CD3G: variants seen among roughly 807,000 people sequenced by gnomAD.
CD3G encodes the protein T-cell surface glycoprotein CD3 gamma chain.
In CD3G, 24 loss-of-function variants were observed where a neutral mutation model predicts 28.3. The observed-to-expected ratio is 0.85, with a 90% CI of 0.61 to 1.19. CD3G has a LOEUF of 1.19. Ranked by LOEUF, CD3G falls within the 50% of genes most tolerant of loss-of-function variation. The probability of loss-of-function intolerance (pLI) is 0.00; values close to 1 mark genes in which losing one functional copy is unlikely to be tolerated. For synonymous variants in CD3G, 71 were observed against 75.9 expected (o/e 0.93, Z 0.34); for missense variants, 211 against 210.0 (o/e 1.00, Z -0.03).
chr11:118,351,763 A>AG, intron 5 of CD3G, 92 bp downstream of exon 5: 1 of 1,194,014 alleles, frequency 8.4e-7, no homozygotes, highest in East Asian at 2.3e-5. Context: ...GATCCTATAC[A>AG]GGTAAGAAAC....
At position 118,350,615 on chromosome 11, in the gene CD3G, T is replaced by C. The variant is rs774233735; in HGVS notation, c.371T>C (p.Val124Ala). 6.2e-7 allele frequency: 1 copy of C among 1,614,102 alleles called. No individual in the cohort carries two copies. Among genetic ancestry groups the C allele is most frequent in the Admixed American group, 1.7e-5 (1 of 60,012 alleles). ...TISGFLFAEI[V>A]SIFVLAVGVY... is the part of the protein sequence containing the mutation. ...TCTGGCTTTCTCTTTGCTGAAATCG[T>C]CAGCATTTTCGTCCTTGCTGTTGGG... Residue 124 changes from valine to alanine, a missense_variant, in exon 4 of 7, where the codon GTC becomes GCC. Val to Ala is a moderately conservative substitution (Grantham distance 64). Coordinates refer to ENST00000532917, the MANE Select transcript of CD3G (RefSeq NM_000073.3).
chr11:118,350,273 G>A (rs915443367), intron 3 of CD3G: 5 of 570,802 alleles, frequency 8.8e-6, no homozygotes, highest in African/African-American at 7.5e-5. Flanking sequence ...GAGCAGCAGT[G>A]AGAACTGGAG....
At position 118,350,046 on chromosome 11, in the gene CD3G, T is replaced by C. The variant is rs1948392315; in HGVS notation, c.307+76T>C. 6.2e-6 allele frequency: 7 copies of C among 1,130,702 alleles called. No homozygotes were observed. In the Admixed American group the frequency reaches 1.0e-4, roughly 17 times the overall value. 70.0% of individuals were successfully genotyped at this position (1,130,702 alleles called of 1,614,324 possible). A position where few individuals can be genotyped will look rare whatever the true frequency, so the allele number is the denominator to read the frequency against. ...GTTCTGGTGAGCTTTTTATCTGGGG[T>C]GAAAGTGGAAATAGATCCTCAACAG... is the stretch of plus-strand genomic sequence containing the variant. On this transcript the variant is annotated intron_variant, in intron 3 of 6. Transcript: ENST00000532917.
chr11:118,346,562 T>C (rs751419868), intron 1 of CD3G, among the ~76,000 whole-genome samples: 12 of 152,084 alleles, frequency 7.9e-5, no homozygotes, highest in Non-Finnish European at 1.5e-4. Flanking sequence ...ATGGCTATAA[T>C]CCCAACACTT....
At chr11:118,352,677 T>A (rs1455368345) in intron 6 of CD3G, among the ~76,000 whole-genome samples, 190 bp downstream of exon 6, 20 of 152,208 alleles carry the variant, frequency 1.3e-4, no homozygotes. Flanking sequence ...CCTAGGTAAA[T>A]ATGAATTTTA....
At chr11:118,346,657 A>C (rs2134066138) in intron 1 of CD3G, among the ~76,000 whole-genome samples, 1 of 151,868 alleles carries the variant, frequency 6.6e-6, no homozygotes, top group Admixed American at 6.6e-5. Context: ...GTCTACAAAA[A>C]CTACGAAAAT....
intron 1 of CD3G, among the ~76,000 whole-genome samples, chr11:118,348,489 C>T (rs1045747761): frequency 2.0e-5 from 3 of 152,178 alleles, no homozygotes; most frequent in Non-Finnish European, 4.4e-5. Flanking sequence ...GAACACATCG[C>T]CCCCAGCACT....
intron 3 of CD3G, chr11:118,350,323 C>G (rs943637094): frequency 8.4e-6 from 5 of 595,834 alleles, no homozygotes; most frequent in African/African-American, 7.4e-5. Context: ...TCCTTCTGTT[C>G]CAGATACTTC....
intron 2 of CD3G, chr11:118,349,470 C>A: frequency 1.6e-6 from 1 of 622,006 alleles, no homozygotes. Flanking sequence ...GCCCCAAAAT[C>A]CCAAAGTTTT....
Position 118,349,873 on chromosome 11 carries a change from A to G in CD3G, c.210A>G (p.Lys70=), listed in dbSNP as rs1382012734. ...TCGGCTTCCTAACTGAAGATAAAAA[A>G]AAATGGAATCTGGGAAGTAATGCCA... ...KMIGFLTEDK[K]KWNLGSNAKD... The change falls in exon 3 of 7, where the codon AAA becomes AAG. Residue 70 remains lysine, a synonymous_variant. Transcript: ENST00000532917. The G allele has an allele frequency of 2.5e-6, 4 of 1,614,068 alleles. No individual in the cohort carries two copies. Among genetic ancestry groups the G allele is most frequent in the Non-Finnish European group, 3.4e-6 (4 of 1,180,032 alleles).
At chr11:118,349,624 G>A in intron 2 of CD3G, 119 bp from the exon 3 acceptor site, 1 of 814,908 alleles carries the variant, frequency 1.2e-6, no homozygotes, top group East Asian at 2.6e-5. Flanking sequence ...AGATCCCCAT[G>A]TGATTCATGT....
chr11:118,350,474 T>C, intron 3 of CD3G, 78 bp from the exon 4 acceptor site: 1 of 1,029,738 alleles, frequency 9.7e-7, no homozygotes, highest in South Asian at 1.3e-5. Context: ...AGCGGCATTA[T>C]TGCAGACAGG....
At position 118,351,739 on chromosome 11, in the gene CD3G, C is replaced by A. The variant is rs1361664305; in HGVS notation, c.483+68C>A. 5 of 1,450,588 alleles carry A rather than the reference C, an allele frequency of 3.4e-6. No individual in the cohort carries two copies. The African/African-American group carries it at 5.6e-5, about 16-fold the overall frequency. The allele number at this position is 1,450,588 out of a possible 1,614,324, so 89.9% of individuals were successfully genotyped here. On this transcript the variant is annotated intron_variant, in intron 5 of 6. Coordinates refer to ENST00000532917, the MANE Select transcript of CD3G (RefSeq NM_000073.3). ...GGGGTAAATCTTTGGGATTGAGGGG[C>A]ATGTTATTTGGAAGATCCTATACAG...
At chr11:118,350,032 C>T (rs1948392135) in intron 3 of CD3G, 62 bp downstream of exon 3, 4 of 1,309,974 alleles carry the variant, frequency 3.1e-6, no homozygotes, top group East Asian at 2.4e-5. Context: ...TTCTGGTGAG[C>T]TTTTTATCTG....
At chr11:118,345,159 C>T (rs1242010728) in intron 1 of CD3G, among the ~76,000 whole-genome samples, 3 of 151,604 alleles carry the variant, frequency 2.0e-5, no homozygotes, top group Non-Finnish European at 4.4e-5. Flanking sequence ...GAAGAGGGAG[C>T]TGAAGATGGA....
chr11:118,350,081 C>T (rs1440167026), intron 3 of CD3G, 111 bp downstream of exon 3: 2 of 803,162 alleles, frequency 2.5e-6, no homozygotes, highest in Admixed American at 2.0e-5. Context: ...GTAATATTAT[C>T]GCCTGTTCTC....
Position 118,354,981 on chromosome 11 carries a change from T to C in CD3G, c.*1881T>C, listed in dbSNP as rs1005859578. ...TACATTTTATTGATTTTTTCTTCTA[T>C]ATATTGTGCTTTTGGTATCATGTCT... On this transcript the variant is annotated 3_prime_UTR_variant, in exon 7 of 7. Transcript: ENST00000532917. The C allele has an allele frequency of 6.6e-6, 1 of 152,178 alleles. No individual in the cohort carries two copies. Among genetic ancestry groups the C allele is most frequent in the Non-Finnish European group, 1.5e-5 (1 of 68,014 alleles). 9.4% of individuals were successfully genotyped at this position (152,178 alleles called of 1,614,324 possible).
chr11:118,351,665 C>G lies in CD3G; in HGVS notation c.477C>G (p.Leu159=). Residue 159 remains leucine (L), a synonymous_variant, in exon 5 of 7, where the codon CTC becomes CTG. Coordinates refer to ENST00000532917, the MANE Select transcript of CD3G (RefSeq NM_000073.3). ...DKQTLLPNDQ[L]YQPLKDREDD... is the part of the protein sequence containing the mutation. Reference sequence around the variant, plus strand: ...AGACTCTGTTGCCCAATGACCAGCTCTACCAGGTAAGGGGATGAAGAATAA... The same window carrying G: ...AGACTCTGTTGCCCAATGACCAGCTGTACCAGGTAAGGGGATGAAGAATAA... The G allele has an allele frequency of 6.2e-7, 1 of 1,613,954 alleles. No homozygotes were observed.
At chr11:118,349,240 A>G in intron 2 of CD3G, 190 bp downstream of exon 2, 1 of 1,520,954 alleles carries the variant, frequency 6.6e-7, no homozygotes, top group Non-Finnish European at 8.8e-7. Context: ...GCCTGTAGCT[A>G]AGCATTTAAC....
Sources: allele counts gnomAD v4.1 joint callset (sites outside exome capture counted in the v4.1 genomes callset), GRCh38; gene constraint gnomAD v4.1.1; transcripts MANE v1.5; gene names NCBI Gene and HGNC (gene_info 2026-07-23, HGNC 2026-07-21).